The following SLC1A3 variants were observed in gnomAD, a reference collection of about 807,000 sequenced individuals.
The protein encoded by SLC1A3 is excitatory amino acid transporter 1.
SLC1A3 carries 21 observed loss-of-function variants against 48.1 expected under a neutral mutation model. That is an observed-to-expected ratio of 0.44 (90% confidence interval 0.31 to 0.63). The LOEUF is 0.63. Among genes scored for constraint, SLC1A3 ranks in the 20% least tolerant of loss-of-function variants. The probability of loss-of-function intolerance (pLI) is 0.08; values close to 1 mark genes in which losing one functional copy is unlikely to be tolerated. For synonymous variants in SLC1A3, 239 were observed against 251.4 expected (o/e 0.95, Z 0.47); for missense variants, 546 against 689.0 (o/e 0.79, Z 2.32).
intron 2 of SLC1A3, among the ~76,000 whole-genome samples, chr5:36,624,148 A>G (rs62354636): frequency 0.077 from 11,664 of 152,298 alleles, 555 homozygotes; most frequent in East Asian, 0.22. Flanking sequence ...AGCTGATGAA[A>G]AATGACTTTT....
chr5:36,656,541 G>A (rs1741292782), intron 3 of SLC1A3, among the ~76,000 whole-genome samples: 1 of 152,218 alleles, frequency 6.6e-6, no homozygotes. Context: ...ATTATTTGGT[G>A]AGACTATGAC....
chr5:36,613,089 G>A (rs189181798), intron 2 of SLC1A3: 4 of 313,824 alleles, frequency 1.3e-5, no homozygotes, highest in African/African-American at 2.2e-5. Context: ...GGCCTTGGGG[G>A]TGCACGAGGG....
chr5:36,675,008 C>T (rs777892072), intron 5 of SLC1A3, among the ~76,000 whole-genome samples: 3 of 152,178 alleles, frequency 2.0e-5, no homozygotes, highest in Non-Finnish European at 4.4e-5. Context: ...GAAACAGACA[C>T]TCTTGGTTAA....
chr5:36,685,910 TATGA>T (rs1430081115), intron 9 of SLC1A3, among the ~76,000 whole-genome samples, 151 bp from the exon 10 acceptor site: 4 of 152,256 alleles, frequency 2.6e-5, no homozygotes, highest in Non-Finnish European at 5.9e-5. Flanking sequence ...TAGCTACTAT[TATGA>T]ATATTATGTG....
rs766340486 is a variant in SLC1A3, at chr5:36,686,069, C to A, written c.1429C>A (p.Arg477Ser). ...LIIAVDWFLDRLRTTTNVLGD... is the reference protein window; with the variant it reads ...LIIAVDWFLDSLRTTTNVLGD... ...TCCTCCCCACCCTGCCTGCAGGGAT[C>A]GCCTCCGGACCACCACCAACGTACT... is the stretch of plus-strand genomic sequence containing the variant. The change falls in exon 10 of 10, where the codon CGC becomes AGC. Residue 477 changes from arginine (R) to serine (S), a missense_variant. By Grantham distance (110) the Arg-to-Ser change is moderately radical. Around this residue, in one of 3 missense-constraint regions of SLC1A3, gnomAD observed 142 missense variants for 238.0 expected, o/e 0.60. Coordinates refer to ENST00000265113, the MANE Select transcript of SLC1A3 (RefSeq NM_004172.5). 1 of 1,614,000 alleles carries A rather than the reference C, an allele frequency of 6.2e-7. No individual in the cohort carries two copies. The highest frequency in any genetic ancestry group is 8.5e-7 in the Non-Finnish European group (1 of 1,179,904).
intron 5 of SLC1A3, among the ~76,000 whole-genome samples, chr5:36,674,992 A>G (rs1742146482): frequency 1.3e-5 from 2 of 152,216 alleles, no homozygotes; most frequent in African/African-American, 4.8e-5. Context: ...CTAAAATATT[A>G]AAAGGGAAAC....
chr5:36,659,478 AC>A (rs1741419159), intron 3 of SLC1A3, among the ~76,000 whole-genome samples: 1 of 152,240 alleles, frequency 6.6e-6, no homozygotes, highest in Non-Finnish European at 1.5e-5. Flanking sequence ...TTAAGGCATC[AC>A]GTATGTTAAT....
At chr5:36,631,700 G>T (rs1489715812) in intron 3 of SLC1A3, among the ~76,000 whole-genome samples, 1 of 152,240 alleles carries the variant, frequency 6.6e-6, no homozygotes, top group African/African-American at 2.4e-5. Context: ...TCTTTTTAAG[G>T]TGTTAGTCTG....
chr5:36,677,127 G>T lies in SLC1A3; in HGVS notation c.803G>T (p.Arg268Ile). The T allele has an allele frequency of 6.2e-7, 1 of 1,614,178 alleles. No individual in the cohort carries two copies. Residue 268 changes from arginine (R) to isoleucine (I), a missense_variant, in exon 6 of 10, where the codon AGA becomes ATA. Coordinates refer to ENST00000265113, the MANE Select transcript of SLC1A3 (RefSeq NM_004172.5). ...GNMKEQGQAL[R>I]EFFDSLNEAI... ...ATGAAGGAACAGGGGCAGGCCCTGA[G>T]AGAGTTCTTTGATTCTCTTAACGAA...
upstream of SLC1A3, among the ~76,000 whole-genome samples, chr5:36,602,449 CCAAT>C (rs774091349): frequency 6.6e-6 from 1 of 152,184 alleles, no homozygotes; most frequent in Non-Finnish European, 1.5e-5. Flanking sequence ...GGCTTCAATT[CCAAT>C]CAACCTACAT....
chr5:36,666,328 G>C (rs1350259036), intron 3 of SLC1A3: 2 of 152,238 alleles, frequency 1.3e-5, no homozygotes, highest in African/African-American at 4.8e-5. Flanking sequence ...ATTCTAGGAG[G>C]GTTGAGAACA....
chr5:36,614,002 T>C (rs187215128), intron 2 of SLC1A3, among the ~76,000 whole-genome samples: 18 of 152,298 alleles, frequency 1.2e-4, no homozygotes, highest in Admixed American at 1.2e-3. Context: ...TGCCTCCTAC[T>C]GTGACGGTGT....
chr5:36,679,724 A>G lies in SLC1A3; in HGVS notation c.958A>G (p.Thr320Ala). Residue 320 changes from threonine to alanine, a missense_variant, in exon 7 of 10, where the codon ACT (threonine) becomes GCT (alanine). Physicochemically the swap from Thr to Ala is moderately conservative, Grantham distance 58 (BLOSUM62 0). Around this residue, in one of 3 missense-constraint regions of SLC1A3, gnomAD observed 142 missense variants for 238.0 expected, o/e 0.60. Transcript: ENST00000265113. ...IGGQLAMYTVTVIVGLLIHAV... is the reference protein window; with the variant it reads ...IGGQLAMYTVAVIVGLLIHAV... The stretch of plus-strand genomic sequence containing the variant: ...GGGGCAGCTTGCCATGTACACCGTG[A>G]CTGTCATTGTTGGCTTACTCATTCA... The G allele has an allele frequency of 1.2e-6, 2 of 1,614,050 alleles. No homozygotes were observed. The highest frequency in any genetic ancestry group is 4.5e-5 in the East Asian group (2 of 44,868).
rs573650256 is a variant in SLC1A3, at chr5:36,624,663, G to A, written c.182-4787G>A. Among the ~76,000 whole-genome samples, 32 of 152,324 alleles carry A rather than the reference G, an allele frequency of 2.1e-4. No individual in the cohort carries two copies. In the South Asian group the frequency reaches 5.6e-3, roughly 27 times the overall value. ...GTTAAGGATGCAAACGTTGACACAC[G>A]TCTTCATTAAATTCTTAATTAAATG... On this transcript the variant is annotated intron_variant, in intron 2 of 9. Transcript: ENST00000265113.
intron 3 of SLC1A3, among the ~76,000 whole-genome samples, chr5:36,661,705 G>A (rs922980035): frequency 2.0e-5 from 3 of 152,234 alleles, no homozygotes; most frequent in African/African-American, 4.8e-5. Context: ...AGCAGGGCCA[G>A]AATGAACTGG....
chr5:36,624,511 T>G (rs572859584), intron 2 of SLC1A3, among the ~76,000 whole-genome samples: 2 of 152,326 alleles, frequency 1.3e-5, no homozygotes, highest in East Asian at 3.9e-4. Context: ...GCCCTCTCAA[T>G]GACTCTGATT....
chr5:36,602,334 T>A (rs923209913), upstream of SLC1A3, among the ~76,000 whole-genome samples: 1 of 152,188 alleles, frequency 6.6e-6, no homozygotes, highest in East Asian at 1.9e-4. Context: ...GGACCAGTAA[T>A]AATAGAGTAG....
chr5:36,684,063 C>G, intron 9 of SLC1A3, 65 bp downstream of exon 9: 1 of 1,595,050 alleles, frequency 6.3e-7, no homozygotes, highest in Non-Finnish European at 8.6e-7. Context: ...CTCTAGGGCA[C>G]CAGGCAGCCT....
At chr5:36,600,531 C>G (rs7730144) in intron 1 of SLC1A3, among the ~76,000 whole-genome samples, 87,560 of 151,992 alleles carry the variant, frequency 0.58, 25,913 homozygotes, top group Admixed American at 0.67. Flanking sequence ...GCCTGGGGTA[C>G]GAGTCAACTA....
Sources: gnomAD v4.1 joint callset for allele counts (sites outside exome capture counted in the v4.1 genomes callset) on GRCh38, gnomAD v4.1.1 for gene constraint, gnomAD v4.1.1 regional missense constraint, MANE v1.5 for transcripts, NCBI Gene and HGNC (gene_info 2026-07-23, HGNC 2026-07-21) for gene names.